The following LRP1B variants were observed in gnomAD, a reference collection of about 807,000 sequenced individuals.
LRP1B encodes the protein LDL receptor related protein 1B, also known as low-density lipoprotein receptor-related protein 1B.
Under a neutral mutation model 556.6 loss-of-function variants are expected in LRP1B, and 217 were observed. The ratio of observed to expected loss-of-function variants is 0.39; its 90% CI spans 0.35 to 0.44. The LOEUF is 0.44. Among genes scored for constraint, LRP1B ranks in the 20% least tolerant of loss-of-function variants. The probability of loss-of-function intolerance (pLI) is 1.00; values close to 1 mark genes in which losing one functional copy is unlikely to be tolerated. For missense variants in LRP1B, 5,053 were observed against 5,620.8 expected (o/e 0.90, Z 3.23); for synonymous variants, 2,047 against 1,865.8 (o/e 1.10, Z -2.50).
intron 11 of LRP1B, among the ~76,000 whole-genome samples, chr2:141,044,334 C>G (rs970427119): frequency 6.6e-6 from 1 of 151,738 alleles, no homozygotes; most frequent in Non-Finnish European, 1.5e-5. Flanking sequence ...AAAACCTAGG[C>G]ATTACCATTC....
At chr2:141,257,072 T>C (rs958637845) in intron 3 of LRP1B, among the ~76,000 whole-genome samples, 1 of 151,644 alleles carries the variant, frequency 6.6e-6, no homozygotes. Context: ...GAGTAGTCTA[T>C]AGAGGCAAGC....
intron 1 of LRP1B, among the ~76,000 whole-genome samples, chr2:142,059,172 G>A (rs1304166033): frequency 6.6e-6 from 1 of 152,178 alleles, no homozygotes; most frequent in Admixed American, 6.6e-5. Flanking sequence ...ATTGTGAATG[G>A]GCACAAGGTT....
intron 3 of LRP1B, among the ~76,000 whole-genome samples, chr2:141,259,729 T>G (rs963232515): frequency 6.6e-6 from 1 of 152,162 alleles, no homozygotes; most frequent in Non-Finnish European, 1.5e-5. Flanking sequence ...TACATATGAG[T>G]GATGATGGGT....
chr2:141,738,567 C>T (rs181637904), intron 2 of LRP1B, among the ~76,000 whole-genome samples: 1 of 152,212 alleles, frequency 6.6e-6, no homozygotes, highest in East Asian at 1.9e-4. Context: ...ACAGATGAAT[C>T]TTATCTTTGT....
intron 23 of LRP1B, among the ~76,000 whole-genome samples, chr2:140,896,223 T>C (rs181693169): frequency 3.3e-3 from 508 of 152,062 alleles, no homozygotes; most frequent in Non-Finnish European, 5.6e-3. Flanking sequence ...AGAGGGAAAA[T>C]GTAACTGAAT....
chr2:141,385,155 T>G (rs1263295457), intron 3 of LRP1B, among the ~76,000 whole-genome samples: 1 of 152,180 alleles, frequency 6.6e-6, no homozygotes, highest in Non-Finnish European at 1.5e-5. Context: ...TATATAAATG[T>G]TATAGATGTT....
intron 10 of LRP1B, among the ~76,000 whole-genome samples, chr2:141,050,261 A>G (rs1698996978): frequency 1.3e-5 from 2 of 151,934 alleles, no homozygotes; most frequent in Admixed American, 1.3e-4. Flanking sequence ...ATTAACATTT[A>G]TATTTCTTTT....
At chr2:141,383,568 T>C (rs916328284) in intron 3 of LRP1B, among the ~76,000 whole-genome samples, 14 of 152,188 alleles carry the variant, frequency 9.2e-5, no homozygotes, top group African/African-American at 3.4e-4. Flanking sequence ...GAAAATATTA[T>C]GTCAAAAATG....
intron 2 of LRP1B, among the ~76,000 whole-genome samples, chr2:141,656,764 T>C (rs1373790116): frequency 6.6e-6 from 1 of 152,162 alleles, no homozygotes; most frequent in Admixed American, 6.6e-5. Flanking sequence ...GTATGTAAAG[T>C]ATGTATGAAA....
rs114914944 is a variant in LRP1B, at chr2:142,018,846, A to G, written c.82+111802T>C. 9.6e-3 allele frequency among the ~76,000 whole-genome samples: 1,456 copies of G among 152,120 alleles called. 23 individuals carry two copies. The highest frequency in any genetic ancestry group is 0.033 in the African/African-American group (1,388 of 41,522). On this transcript the variant is annotated intron_variant, in intron 1 of 90. Coordinates refer to ENST00000389484, the MANE Select transcript of LRP1B (RefSeq NM_018557.3). ...TTTCACTAGCAAGATAAATGCCTAAATTCTCCATTTCACATCACTTTCTGG... is the reference window on the plus strand; with the variant it reads ...TTTCACTAGCAAGATAAATGCCTAAGTTCTCCATTTCACATCACTTTCTGG...
intron 37 of LRP1B, among the ~76,000 whole-genome samples, chr2:140,715,627 G>A (rs1231988464): frequency 6.6e-6 from 1 of 151,974 alleles, no homozygotes; most frequent in Non-Finnish European, 1.5e-5. Flanking sequence ...TAGAAATATT[G>A]GAGAGCAAAG....
chr2:140,276,567 C>G (rs896482978), intron 84 of LRP1B, among the ~76,000 whole-genome samples: 1 of 151,848 alleles, frequency 6.6e-6, no homozygotes, highest in African/African-American at 2.4e-5. Flanking sequence ...TGTGATCATC[C>G]AGGACAGCCT....
intron 2 of LRP1B, among the ~76,000 whole-genome samples, chr2:141,528,601 A>G (rs919412244): frequency 2.0e-5 from 3 of 152,148 alleles, no homozygotes; most frequent in Non-Finnish European, 4.4e-5. Context: ...ACACACAAAT[A>G]TTTCAATATA....
chr2:141,503,526 C>T (rs74377299), intron 2 of LRP1B, among the ~76,000 whole-genome samples: 4,151 of 151,968 alleles, frequency 0.027, 95 homozygotes, highest in Non-Finnish European at 0.037. Context: ...GACCATTCTA[C>T]CTGTACATAG....
At chr2:140,269,718 A>G (rs994445736) in intron 86 of LRP1B, among the ~76,000 whole-genome samples, 2 of 151,970 alleles carry the variant, frequency 1.3e-5, no homozygotes, top group African/African-American at 2.4e-5. Flanking sequence ...TCTCAGGAGT[A>G]CTGTGAATAT....
Position 140,399,176 on chromosome 2 carries a change from C to CACACACACACACACACACACA in LRP1B, c.10415-13168_10415-13167insTGTGTGTGTGTGTGTGTGTGT, listed in dbSNP as rs377687105. 1.2e-3 allele frequency among the ~76,000 whole-genome samples: 175 copies of CACACACACACACACACACACA among 151,826 alleles called. 1 individual carries two copies. The highest frequency in any genetic ancestry group is 4.1e-3 in the African/African-American group (168 of 41,334). ...GAGAAGACCAAGATACACACACACA[C>CACACACACACACACACACACA]ACACACACACACACCACTTATTCAA... is the stretch of plus-strand genomic sequence containing the variant. On this transcript the variant is annotated intron_variant, in intron 66 of 90. Coordinates refer to ENST00000389484, the MANE Select transcript of LRP1B (RefSeq NM_018557.3).
At chr2:142,116,250 A>G (rs1219196111) in intron 1 of LRP1B, among the ~76,000 whole-genome samples, 2 of 151,322 alleles carry the variant, frequency 1.3e-5, no homozygotes, top group Non-Finnish European at 2.9e-5. Context: ...CAATTGATCA[A>G]GATTAACATA....
chr2:141,102,549 G>A (rs1700489489), intron 7 of LRP1B, among the ~76,000 whole-genome samples: 1 of 152,004 alleles, frequency 6.6e-6, no homozygotes, highest in African/African-American at 2.4e-5. Flanking sequence ...GATTCTCCCT[G>A]TTGTCCACAA....
intron 2 of LRP1B, among the ~76,000 whole-genome samples, chr2:141,741,183 G>A (rs755625485): frequency 6.6e-6 from 1 of 150,446 alleles, no homozygotes; most frequent in Non-Finnish European, 1.5e-5. Flanking sequence ...GGACACTGAG[G>A]TTGCTTCCAA....
Sources: allele counts gnomAD v4.1 joint callset (sites outside exome capture counted in the v4.1 genomes callset), GRCh38; gene constraint gnomAD v4.1.1; transcripts MANE v1.5; gene names NCBI Gene and HGNC (gene_info 2026-07-23, HGNC 2026-07-21).